STRN: variants seen among roughly 807,000 people sequenced by gnomAD.
STRN encodes striatin.
Under a neutral mutation model 96.3 loss-of-function variants are expected in STRN, and 53 were observed. That is an observed-to-expected ratio of 0.55 (90% CI 0.44 to 0.69). The LOEUF (loss-of-function observed/expected upper bound fraction) is 0.69, where lower values mean the gene tolerates loss of function less well. Among genes scored for constraint, STRN ranks in the 30% least tolerant of loss-of-function variants. The pLI is 0.00. For synonymous variants in STRN, 428 were observed against 355.9 expected, an observed-to-expected ratio of 1.20 and a Z score of -2.28; for missense variants, 987 against 963.9, an observed-to-expected ratio of 1.02 and a Z score of -0.32.
At chr2:36,854,918 C>T (rs1034988169) in intron 15 of STRN, among the ~76,000 whole-genome samples, 1 of 152,040 alleles carries the variant, frequency 6.6e-6, no homozygotes, top group Non-Finnish European at 1.5e-5. Flanking sequence ...ATTTCCTATT[C>T]AGAATAAATA....
intron 1 of STRN, among the ~76,000 whole-genome samples, chr2:36,947,586 T>TA (rs1664615161): frequency 1.3e-5 from 2 of 148,612 alleles, no homozygotes; most frequent in Non-Finnish European, 3.0e-5. Flanking sequence ...TATATATATA[T>TA]AAAATCACTG....
chr2:36,883,836 T>C (rs1356971939), intron 9 of STRN, 96 bp downstream of exon 9: 2 of 1,172,078 alleles, frequency 1.7e-6, no homozygotes, highest in Non-Finnish European at 2.2e-6. Context: ...ATCTGCAGAA[T>C]AAAGTTCTCT....
rs147430052 is a variant in STRN, at chr2:36,911,391, C to G, written c.412+4687G>C. Among the ~76,000 whole-genome samples the G allele has an allele frequency of 1.5e-3, 226 of 152,174 alleles. 1 individual carries two copies. Among genetic ancestry groups the G allele is most frequent in the African/African-American group, 4.6e-3 (193 of 41,528 alleles). ...TCTTTTTTCCCTAAATTTGCTAGTTCTTTAATTTAGCTGGGACCTCTAGCC... is the reference window on the plus strand; with the variant it reads ...TCTTTTTTCCCTAAATTTGCTAGTTGTTTAATTTAGCTGGGACCTCTAGCC... On this transcript the variant is annotated intron_variant, in intron 3 of 17. Transcript: ENST00000263918.
chr2:36,890,462 C>G (rs1259499950), intron 7 of STRN, among the ~76,000 whole-genome samples: 1 of 149,910 alleles, frequency 6.7e-6, no homozygotes, highest in Non-Finnish European at 1.5e-5. Flanking sequence ...TCAATATTAT[C>G]ACTGCACCAG....
At chr2:36,906,622 T>C (rs552195166) in intron 3 of STRN, among the ~76,000 whole-genome samples, 152 of 152,126 alleles carry the variant, frequency 1.0e-3, no homozygotes, top group African/African-American at 3.3e-3. Flanking sequence ...TCATTAGCTA[T>C]TACATTTAAA....
intron 5 of STRN, among the ~76,000 whole-genome samples, chr2:36,901,133 G>A (rs1202613400): frequency 2.6e-5 from 4 of 152,038 alleles, no homozygotes; most frequent in South Asian, 2.1e-4. Context: ...TACTGAAATC[G>A]GACAGATTAG....
rs937454051 is a variant in STRN, at chr2:36,844,195, T to A, written c.*5261A>T. The A allele has an allele frequency of 6.6e-5, 10 of 152,218 alleles. No homozygotes were observed. The highest frequency in any genetic ancestry group is 1.3e-4 in the Admixed American group (2 of 15,278). 9.4% of individuals were successfully genotyped at this position (152,218 alleles called of 1,614,324 possible). The stretch of plus-strand genomic sequence containing the variant: ...GATTAGGGTAGGGGATACCTATTAA[T>A]CTGGGCTGGAAAAAAAGTGTGTGGA... On this transcript the variant is annotated 3_prime_UTR_variant, in exon 18 of 18. Transcript: ENST00000263918.
At position 36,869,539 on chromosome 2, in the gene STRN, G is replaced by A. The variant is rs751706727; in HGVS notation, c.1499+15C>T. 1 of 1,493,112 alleles carries A rather than the reference G, an allele frequency of 6.7e-7. No homozygotes were observed. The highest frequency in any genetic ancestry group is 9.0e-7 in the Non-Finnish European group (1 of 1,114,250). The allele number at this position is 1,493,112 out of a possible 1,614,324, so 92.5% of individuals were successfully genotyped here. A position where few individuals can be genotyped will look rare whatever the true frequency, so the allele number is the denominator to read the frequency against. On this transcript the variant is annotated intron_variant, in intron 11 of 17. Coordinates refer to ENST00000263918, the MANE Select transcript of STRN (RefSeq NM_003162.4). ...CTTAAAATATTCAAATAATGTTAAAGTAGAATATTCTCACTTTTTGGCTGG... is the reference window on the plus strand; with the variant it reads ...CTTAAAATATTCAAATAATGTTAAAATAGAATATTCTCACTTTTTGGCTGG...
rs1667939882 is a variant in STRN at position 36,841,114 on chromosome 2, A to T, written c.*8342T>A. On this transcript the variant is annotated 3_prime_UTR_variant, in exon 18 of 18. Transcript: ENST00000263918. ...CTCTTATTTTTTAATTGTGATTAGT[A>T]GATGTGTATTCCTACGTATTCTACA... 1 of 152,030 alleles carries T rather than the reference A, an allele frequency of 6.6e-6. No individual in the cohort carries two copies. The highest frequency in any genetic ancestry group is 2.1e-4 in the South Asian group (1 of 4,824). 9.4% of individuals were successfully genotyped at this position (152,030 alleles called of 1,614,324 possible). A position where few individuals can be genotyped will look rare whatever the true frequency, so the allele number is the denominator to read the frequency against.
chr2:36,947,755 T>A (rs1392702435), intron 1 of STRN, among the ~76,000 whole-genome samples: 1 of 151,812 alleles, frequency 6.6e-6, no homozygotes, highest in Non-Finnish European at 1.5e-5. Context: ...CAACCTCAGT[T>A]CCCTCAACTA....
At chr2:36,958,933 A>G (rs1483488611) in intron 1 of STRN, among the ~76,000 whole-genome samples, 2 of 152,162 alleles carry the variant, frequency 1.3e-5, no homozygotes, top group African/African-American at 2.4e-5. Context: ...TAGCTGACAC[A>G]GTGAAACCCC....
chr2:36,945,173 T>A (rs191768238), intron 1 of STRN, among the ~76,000 whole-genome samples: 1 of 152,058 alleles, frequency 6.6e-6, no homozygotes, highest in Admixed American at 6.5e-5. Context: ...AAAAAACGTG[T>A]AGGAAAAACA....
At chr2:36,888,902 T>G (rs2148181717) in intron 7 of STRN, among the ~76,000 whole-genome samples, 1 of 152,142 alleles carries the variant, frequency 6.6e-6, no homozygotes. Context: ...CAGGCTGGTC[T>G]CAAACTCCTG....
intron 1 of STRN, among the ~76,000 whole-genome samples, chr2:36,950,642 G>A (rs1018180591): frequency 3.9e-5 from 6 of 152,162 alleles, no homozygotes; most frequent in African/African-American, 1.2e-4. Context: ...CTTCTCCATG[G>A]TATCCCCAGT....
chr2:36,839,031 G>A lies in STRN; in HGVS notation c.*10425C>T, dbSNP rs188511130. Among the ~76,000 whole-genome samples the A allele has an allele frequency of 6.6e-6, 1 of 152,234 alleles. No homozygotes were observed. Among genetic ancestry groups the A allele is most frequent in the East Asian group, 1.9e-4 (1 of 5,186 alleles). On this transcript the variant is annotated 3_prime_UTR_variant, in exon 18 of 18. Coordinates refer to ENST00000263918, the MANE Select transcript of STRN (RefSeq NM_003162.4). ...AAAAGCAAGTGCAGCATAATATGTA[G>A]AATAAAACCCCATATGTAATAACTG...
chr2:36,891,521 T>C lies in STRN; in HGVS notation c.931+2377A>G, dbSNP rs965251795. Among the ~76,000 whole-genome samples, 4 of 118,168 alleles carry C rather than the reference T, an allele frequency of 3.4e-5. No individual in the cohort carries two copies. In the South Asian group the frequency reaches 1.1e-3, roughly 31 times the overall value. The allele number at this position is 118,168 out of a possible 152,430, so 77.5% of individuals were successfully genotyped here. ...GCCTGGGCAACAGAGTGAGACTCTG[T>C]CAAAAAAAAAAGATTCAACAAATGC... On this transcript the variant is annotated intron_variant, in intron 7 of 17. Coordinates refer to ENST00000263918, the MANE Select transcript of STRN (RefSeq NM_003162.4).
chr2:36,847,697 T>G lies in STRN; in HGVS notation c.*1759A>C, dbSNP rs893467494. On this transcript the variant is annotated 3_prime_UTR_variant, in exon 18 of 18. Transcript: ENST00000263918. The stretch of plus-strand genomic sequence containing the variant: ...ACAAGTCTCTAGCTTTAAAGAAAAT[T>G]TGCCTGTATAATGCAGAATTCTAGA... The G allele has an allele frequency of 3.3e-5, 5 of 152,238 alleles. No homozygotes were observed. Among genetic ancestry groups the G allele is most frequent in the African/African-American group, 4.8e-5 (2 of 41,564 alleles). The allele number at this position is 152,238 out of a possible 1,614,324, so 9.4% of individuals were successfully genotyped here. A position where few individuals can be genotyped will look rare whatever the true frequency, so the allele number is the denominator to read the frequency against.
chr2:36,939,756 G>A (rs1319206173), intron 1 of STRN, among the ~76,000 whole-genome samples: 1 of 152,070 alleles, frequency 6.6e-6, no homozygotes, highest in East Asian at 1.9e-4. Context: ...TCACTATTCT[G>A]TAAGCATTTG....
In STRN at chr2:36,844,343, AGC is replaced by A. The variant is rs1225179227; in HGVS notation, c.*5111_*5112del. 4 of 152,184 alleles carry A rather than the reference AGC, an allele frequency of 2.6e-5. No homozygotes were observed. Among genetic ancestry groups the A allele is most frequent in the African/African-American group, 7.2e-5 (3 of 41,462 alleles). The allele number at this position is 152,184 out of a possible 1,614,324, so 9.4% of individuals were successfully genotyped here. ...GATTGCTGATAATAACAAATTTAGC[AGC>A]TCTCTACAAGTCAATTAAAATACCA... is the stretch of plus-strand genomic sequence containing the variant. On this transcript the variant is annotated 3_prime_UTR_variant, in exon 18 of 18. Transcript: ENST00000263918.
Sources: gnomAD v4.1 joint callset for allele counts (sites outside exome capture counted in the v4.1 genomes callset) on GRCh38, gnomAD v4.1.1 for gene constraint, MANE v1.5 for transcripts, NCBI Gene and HGNC (gene_info 2026-07-23, HGNC 2026-07-21) for gene names.